Variants in ATF1 observed in about 807,000 individuals in gnomAD.
ATF1 encodes the protein cyclic AMP-dependent transcription factor ATF-1.
A neutral mutation model predicts 34.7 loss-of-function variants in ATF1; 16 were observed. The ratio of observed to expected loss-of-function variants is 0.46; its 90% CI spans 0.31 to 0.70. The LOEUF (loss-of-function observed/expected upper bound fraction) is 0.70. ATF1 is among the 30% of genes least tolerant of loss of function. The pLI is 0.05. For synonymous variants in ATF1, 105 were observed against 113.1 expected (o/e 0.93, Z 0.46); for missense variants, 255 against 321.6 (o/e 0.79, Z 1.58).
At chr12:50,792,653 C>G (rs1941329245) in intron 2 of ATF1, among the ~76,000 whole-genome samples, 1 of 151,996 alleles carries the variant, frequency 6.6e-6, no homozygotes, top group Non-Finnish European at 1.5e-5. Flanking sequence ...GACTGCAGAC[C>G]AAATCAGGCA....
At chr12:50,780,365 G>T in intron 2 of ATF1, 127 bp downstream of exon 2, 1 of 790,084 alleles carries the variant, frequency 1.3e-6, no homozygotes, top group Non-Finnish European at 2.0e-6. Context: ...TTTTTTCGAG[G>T]CAGATTTTTG....
chr12:50,765,825 G>A (rs1463323533), intron 1 of ATF1, among the ~76,000 whole-genome samples: 1 of 152,148 alleles, frequency 6.6e-6, no homozygotes, highest in East Asian at 1.9e-4. Flanking sequence ...GGCAATGTCA[G>A]GAAGTTACCC....
At chr12:50,767,062 C>T (rs1054559612) in intron 1 of ATF1, among the ~76,000 whole-genome samples, 2 of 152,104 alleles carry the variant, frequency 1.3e-5, no homozygotes, top group African/African-American at 2.4e-5. Flanking sequence ...CTTTATGATA[C>T]GGCTTGGCCC....
At chr12:50,765,209 A>G (rs1437670197) in intron 1 of ATF1, among the ~76,000 whole-genome samples, 1 of 152,140 alleles carries the variant, frequency 6.6e-6, no homozygotes, top group East Asian at 1.9e-4. Flanking sequence ...CTCACCTGTG[A>G]TGAGTTCGTA....
rs1341385444 is a variant in ATF1, at chr12:50,814,388, C to T, written c.620C>T (p.Thr207Ile). The T allele has an allele frequency of 6.2e-7, 1 of 1,614,136 alleles. No homozygotes were observed. Among genetic ancestry groups the T allele is most frequent in the Non-Finnish European group, 8.5e-7 (1 of 1,180,010 alleles). The change falls in exon 6 of 7, where the codon ACT becomes ATT. Residue 207 changes from threonine to isoleucine, a missense_variant. Thr to Ile is a moderately conservative substitution (Grantham distance 89, BLOSUM62 -1). This residue lies in a region of ATF1 where 221 missense variants were observed against 250.7 expected (regional missense o/e 0.88). Coordinates refer to ENST00000262053, the MANE Select transcript of ATF1 (RefSeq NM_005171.5). ...CCTGTGACTCTCACCTCTCAGACAA[C>T]TAAGACAGATGACCCCCAATTGAAA... ...TSPVTLTSQT[T>I]KTDDPQLKRE...
At chr12:50,801,238 A>G (rs1249927830) in intron 3 of ATF1, among the ~76,000 whole-genome samples, 1 of 152,242 alleles carries the variant, frequency 6.6e-6, no homozygotes, top group Admixed American at 6.5e-5. Flanking sequence ...TAAGGTTTCT[A>G]CATTCCACCT....
chr12:50,780,298 T>G, intron 2 of ATF1, 60 bp downstream of exon 2: 1 of 1,401,074 alleles, frequency 7.1e-7, no homozygotes, highest in Non-Finnish European at 1.0e-6. Flanking sequence ...TGCAGATTAA[T>G]CTCGTTTCAG....
intron 4 of ATF1, among the ~76,000 whole-genome samples, chr12:50,811,975 T>C (rs1941747054): frequency 1.3e-5 from 2 of 152,192 alleles, no homozygotes; most frequent in African/African-American, 4.8e-5. Context: ...TATATCTGCA[T>C]TGTCCCAGAA....
intron 2 of ATF1, among the ~76,000 whole-genome samples, chr12:50,782,048 C>T (rs1318134073): frequency 6.6e-6 from 1 of 151,814 alleles, no homozygotes; most frequent in Non-Finnish European, 1.5e-5. Flanking sequence ...GAAACTATAA[C>T]TTGCTGAGTT....
At chr12:50,776,276 A>G (rs889128652) in intron 1 of ATF1, among the ~76,000 whole-genome samples, 30 of 128,178 alleles carry the variant, frequency 2.3e-4, no homozygotes, top group African/African-American at 7.4e-4. Flanking sequence ...AGATCGTCCC[A>G]CTGCACTCCA....
chr12:50,815,560 T>G (rs1941827232), intron 6 of ATF1, among the ~76,000 whole-genome samples: 1 of 151,538 alleles, frequency 6.6e-6, no homozygotes. Context: ...TAATTTTTTT[T>G]TTTTTTCTTG....
intron 3 of ATF1, among the ~76,000 whole-genome samples, chr12:50,803,173 G>T (rs2139680350): frequency 6.6e-6 from 1 of 151,866 alleles, no homozygotes; most frequent in African/African-American, 2.4e-5. Context: ...GGAGGCTGAG[G>T]CAGGAGAATC....
intron 1 of ATF1, among the ~76,000 whole-genome samples, chr12:50,765,458 C>G (rs1441631749): frequency 2.0e-5 from 3 of 152,200 alleles, no homozygotes; most frequent in African/African-American, 7.2e-5. Context: ...CAGCAGGTGG[C>G]AGTCCCTTCT....
chr12:50,809,592 A>C lies in ATF1; in HGVS notation c.328+3A>C. On this transcript the variant is annotated splice_donor_region_variant and intron_variant, in intron 4 of 6. Transcript: ENST00000262053. Reference sequence around the variant, plus strand: ...TCAGACTAGCAGCGGACAGTACAGTATGTATAGGAATCAGTTTCCACATTA... The same window carrying C: ...TCAGACTAGCAGCGGACAGTACAGTCTGTATAGGAATCAGTTTCCACATTA... The C allele has an allele frequency of 6.2e-7, 1 of 1,603,390 alleles. No individual in the cohort carries two copies. The highest frequency in any genetic ancestry group is 2.2e-5 in the East Asian group (1 of 44,764).
At chr12:50,809,231 G>T (rs1469974954) in intron 3 of ATF1, among the ~76,000 whole-genome samples, 1 of 151,890 alleles carries the variant, frequency 6.6e-6, no homozygotes, top group African/African-American at 2.4e-5. Flanking sequence ...AAAATTAGCT[G>T]GGTGTGGTGG....
chr12:50,782,608 T>C (rs1013384736), intron 2 of ATF1, among the ~76,000 whole-genome samples: 5 of 144,168 alleles, frequency 3.5e-5, no homozygotes, highest in Non-Finnish European at 7.5e-5. Flanking sequence ...TTGCCCAGGC[T>C]GGTGTCAAAC....
intron 2 of ATF1, among the ~76,000 whole-genome samples, chr12:50,787,741 A>T (rs530375146): frequency 1.5e-4 from 22 of 145,390 alleles, no homozygotes; most frequent in Admixed American, 1.4e-3. Context: ...GGCCTTGTCT[A>T]AAAAAAAAAA....
At chr12:50,815,948 TC>T (rs1346008948) in intron 6 of ATF1, among the ~76,000 whole-genome samples, 3 of 152,170 alleles carry the variant, frequency 2.0e-5, no homozygotes, top group African/African-American at 7.2e-5. Context: ...AAGGTCAGTA[TC>T]TTAAGTGAAA....
intron 1 of ATF1, among the ~76,000 whole-genome samples, chr12:50,768,760 C>T (rs1414984690): frequency 1.3e-5 from 2 of 152,192 alleles, no homozygotes; most frequent in Non-Finnish European, 2.9e-5. Flanking sequence ...GAAATAAACA[C>T]ATCTTTAAAA....
Sources: allele counts gnomAD v4.1 joint callset (sites outside exome capture counted in the v4.1 genomes callset), GRCh38; gene constraint gnomAD v4.1.1; regional missense constraint gnomAD v4.1.1; transcripts MANE v1.5; gene names NCBI Gene and HGNC (gene_info 2026-07-23, HGNC 2026-07-21).